The following APC variants were observed in gnomAD, a reference collection of about 807,000 sequenced individuals.
APC encodes APC regulator of Wnt signaling pathway, also known as adenomatous polyposis coli protein.
APC carries 72 observed loss-of-function variants against 247.0 expected under a neutral mutation model. The observed-to-expected ratio is 0.29, with a 90% CI of 0.24 to 0.35. APC has a LOEUF of 0.35. APC is among the 10% of genes least tolerant of loss of function. The probability of loss-of-function intolerance (pLI) is 1.00; values close to 1 mark genes in which losing one functional copy is unlikely to be tolerated. For synonymous variants in APC, 1,254 were observed against 1,162.5 expected (o/e 1.08, Z -1.60); for missense variants, 3,400 against 3,360.7 (o/e 1.01, Z -0.29).
chr5:112,843,301 T>G lies in APC; in HGVS notation c.7707T>G (p.Ser2569Arg), dbSNP rs985452718. 1 of 1,613,430 alleles carries G rather than the reference T, an allele frequency of 6.2e-7. No homozygotes were observed. Among genetic ancestry groups the G allele is most frequent in the African/African-American group, 1.3e-5 (1 of 74,846 alleles). ...TAAGCACTTGGAGAAGAACTGGAAG[T>G]TCATCTTCAATTCTTTCTGCTTCAT... ...PRVSTWRRTG[S>R]SSSILSASSE... The change falls in exon 16 of 16, where the codon AGT becomes AGG. Residue 2569 changes from serine to arginine, a missense_variant. Physicochemically the swap from Ser to Arg is moderately radical, Grantham distance 110 (BLOSUM62 -1). Around this residue, in one of 9 missense-constraint regions of APC, gnomAD observed 1,788 missense variants for 1,649.5 expected, o/e 1.08. Transcript: ENST00000257430. The surrounding 1 kb of genome is among the most constrained non-coding windows in gnomAD (Gnocchi z 4.8).
intron 15 of APC, among the ~76,000 whole-genome samples, chr5:112,837,039 A>G (rs1377598981): frequency 6.6e-6 from 1 of 152,208 alleles, no homozygotes; most frequent in Non-Finnish European, 1.5e-5. Flanking sequence ...TCACAAAATC[A>G]AGCCAGAGAT....
At chr5:112,731,959 G>C (rs902027574) in intron 1 of APC, among the ~76,000 whole-genome samples, 3 of 151,944 alleles carry the variant, frequency 2.0e-5, no homozygotes, top group African/African-American at 4.8e-5. Context: ...ACAGGGTTTC[G>C]CCATGTTGGC....
At chr5:112,775,120 T>G (rs1468462090) in intron 4 of APC, among the ~76,000 whole-genome samples, 1 of 152,178 alleles carries the variant, frequency 6.6e-6, no homozygotes, top group Non-Finnish European at 1.5e-5. Flanking sequence ...AAGAAGTTTT[T>G]CTCCGTCATA....
At chr5:112,782,845 G>A (rs1011747359) in intron 6 of APC, among the ~76,000 whole-genome samples, 37 of 152,056 alleles carry the variant, frequency 2.4e-4, no homozygotes, top group Non-Finnish European at 7.4e-5. Context: ...TACAAATTGG[G>A]AGAAGATATT....
chr5:112,712,638 C>T (rs1057032024), intron 1 of APC, among the ~76,000 whole-genome samples: 9 of 151,892 alleles, frequency 5.9e-5, no homozygotes, highest in African/African-American at 2.2e-4. Context: ...AAGTGATCCA[C>T]CTGGGATTCT....
chr5:112,802,402 A>C (rs895471736), intron 8 of APC, among the ~76,000 whole-genome samples: 4 of 152,124 alleles, frequency 2.6e-5, no homozygotes, highest in African/African-American at 4.8e-5. Flanking sequence ...TCTTTTGTTT[A>C]GGGAATTAGT....
intron 7 of APC, among the ~76,000 whole-genome samples, chr5:112,797,710 A>T (rs1024600722): frequency 6.6e-6 from 1 of 152,210 alleles, no homozygotes; most frequent in Non-Finnish European, 1.5e-5. Flanking sequence ...AATACTTACT[A>T]AAGTCACAGT....
At position 112,740,645 on chromosome 5, in the gene APC, C is replaced by T. The variant is rs542011835; in HGVS notation, c.-19+2720C>T. Among the ~76,000 whole-genome samples, 102 of 151,188 alleles carry T rather than the reference C, an allele frequency of 6.7e-4. 1 individual carries two copies. The highest frequency in any genetic ancestry group is 1.9e-3 in the African/African-American group (78 of 41,214). On this transcript the variant is annotated intron_variant, in intron 1 of 15. Coordinates refer to ENST00000257430, the MANE Select transcript of APC (RefSeq NM_000038.6). ...GGCTCAAGTGATGCTCCCACTTCAG[C>T]CCTCCAGGTAGCAGGGACTACAGGC...
At chr5:112,782,654 C>G (rs942638345) in intron 6 of APC, among the ~76,000 whole-genome samples, 3 of 152,190 alleles carry the variant, frequency 2.0e-5, no homozygotes, top group Admixed American at 6.5e-5. Flanking sequence ...ACTTAAATGT[C>G]AAAAGTAAAA....
At chr5:112,743,970 C>G (rs770110019) in intron 1 of APC, among the ~76,000 whole-genome samples, 15 of 152,054 alleles carry the variant, frequency 9.9e-5, no homozygotes, top group Non-Finnish European at 2.1e-4. Context: ...TCCCAAGTAG[C>G]TAGGATTACA....
rs1446044641 is a variant in APC at position 112,707,813 on chromosome 5, C to G, written c.96C>G (p.Ser32Arg). Reference sequence around the variant, plus strand: ...CCTGGAGCACCGGCGGCAGCAGGAGCTGCGTCCGGCAGGAGACGAAGAGCC... The same window carrying G: ...CCTGGAGCACCGGCGGCAGCAGGAGGTGCGTCCGGCAGGAGACGAAGAGCC... Residue 32 changes from serine (S) to arginine (R), a missense_variant, in exon 1 of 14, where the codon AGC (serine) becomes AGG (arginine). Ser to Arg is a moderately radical substitution (Grantham distance 110). Coordinates refer to the APC transcript ENST00000507379. The G allele has an allele frequency of 2.2e-6, 3 of 1,370,544 alleles. No homozygotes were observed. The highest frequency in any genetic ancestry group is 9.6e-7 in the Non-Finnish European group (1 of 1,038,806). 84.9% of individuals were successfully genotyped at this position (1,370,544 alleles called of 1,614,324 possible).
intron 1 of APC, among the ~76,000 whole-genome samples, chr5:112,717,005 T>C (rs2149649017): frequency 6.6e-6 from 1 of 152,254 alleles, no homozygotes; most frequent in South Asian, 2.1e-4. Context: ...TTTTTGTTTG[T>C]TTGTTTGTTG....
chr5:112,829,079 C>T, intron 14 of APC, 107 bp downstream of exon 14: 1 of 794,268 alleles, frequency 1.3e-6, no homozygotes, highest in East Asian at 2.5e-5. Context: ...GTGTATTATT[C>T]AGTACTATAA....
At chr5:112,709,604 A>T (rs1199152827) in intron 1 of APC, among the ~76,000 whole-genome samples, 1 of 152,190 alleles carries the variant, frequency 6.6e-6, no homozygotes, top group African/African-American at 2.4e-5. Context: ...AAACTCTTTA[A>T]AACCTCTCAC....
chr5:112,782,196 G>A (rs752482891), intron 6 of APC, among the ~76,000 whole-genome samples: 17 of 152,200 alleles, frequency 1.1e-4, no homozygotes, highest in Non-Finnish European at 1.9e-4. Context: ...AGCAGGCAAA[G>A]AGAGAGAGAC....
At chr5:112,754,783 A>C (rs1754766027) in intron 1 of APC, 90 bp from the exon 2 acceptor site, 1 of 1,223,590 alleles carries the variant, frequency 8.2e-7, no homozygotes, top group African/African-American at 1.5e-5. Context: ...AAACGTCTTA[A>C]GAGTTTTGTT....
chr5:112,827,976 A>G lies in APC; in HGVS notation c.1596A>G (p.Gln532=), dbSNP rs1331131200. The change falls in exon 13 of 16, where the codon CAA becomes CAG. Residue 532 remains glutamine, a synonymous_variant. Coordinates refer to ENST00000257430, the MANE Select transcript of APC (RefSeq NM_000038.6). ...MKGCMRALVA[Q]LKSESEDLQQ... ...GCTGCATGAGAGCACTTGTGGCCCA[A>G]CTAAAATCTGAAAGTGAAGACTTAC... 4 of 1,613,082 alleles carry G rather than the reference A, an allele frequency of 2.5e-6. No homozygotes were observed. Among genetic ancestry groups the G allele is most frequent in the South Asian group, 2.2e-5 (2 of 91,042 alleles).
chr5:112,737,777 G>T, upstream of APC: 1 of 924,052 alleles, frequency 1.1e-6, no homozygotes, highest in Non-Finnish European at 1.3e-6. Context: ...GTAATCCGCT[G>T]GATGCGGACC....
intron 1 of APC, among the ~76,000 whole-genome samples, chr5:112,712,934 G>A (rs1750941364): frequency 6.6e-6 from 1 of 152,202 alleles, no homozygotes; most frequent in African/African-American, 2.4e-5. Context: ...ACTTGGGGAG[G>A]CTGAGGCGGG....
Sources: allele counts gnomAD v4.1 joint callset (sites outside exome capture counted in the v4.1 genomes callset), GRCh38; gene constraint gnomAD v4.1.1; regional missense constraint gnomAD v4.1.1; non-coding constraint Gnocchi (gnomAD v3.1); transcripts MANE v1.5; gene names NCBI Gene and HGNC (gene_info 2026-07-23, HGNC 2026-07-21).